METTL15: variants seen among roughly 807,000 people sequenced by gnomAD.
The protein encoded by METTL15 is methyltransferase 15, mitochondrial 12S rRNA N4-cytidine, also known as 12S rRNA N(4)-cytidine methyltransferase METTL15.
A neutral mutation model predicts 38.3 loss-of-function variants in METTL15; 34 were observed. The observed-to-expected ratio is 0.89, with a 90% CI of 0.68 to 1.18. The LOEUF (loss-of-function observed/expected upper bound fraction) is 1.18. Ranked by LOEUF, METTL15 falls within the 50% of genes most tolerant of loss-of-function variation. The pLI, the probability that METTL15 is intolerant of heterozygous loss-of-function variation, is 0.00. For missense variants in METTL15, 438 were observed against 498.4 expected, an observed-to-expected ratio of 0.88 and a Z score of 1.15; for synonymous variants, 162 against 170.9, an observed-to-expected ratio of 0.95 and a Z score of 0.41.
chr11:28,411,084 A>G (rs1850720231), intron 5 of METTL15, among the ~76,000 whole-genome samples: 1 of 152,054 alleles, frequency 6.6e-6, no homozygotes, highest in Admixed American at 6.6e-5. Context: ...ATAAAACACT[A>G]ATGAAAGAAA....
At chr11:28,266,753 TTA>T (rs1472950768) in intron 4 of METTL15, among the ~76,000 whole-genome samples, 1 of 152,188 alleles carries the variant, frequency 6.6e-6, no homozygotes, top group Non-Finnish European at 1.5e-5. Context: ...TCCCAGATAA[TTA>T]TGTCTCCGTA....
chr11:28,294,531 G>T (rs1440854464), intron 5 of METTL15, among the ~76,000 whole-genome samples: 2 of 152,174 alleles, frequency 1.3e-5, no homozygotes, highest in Non-Finnish European at 2.9e-5. Flanking sequence ...AGAAGCAATA[G>T]AAAGAAATTC....
At chr11:28,213,302 TGAAAG>T (rs1197007778) in intron 4 of METTL15, among the ~76,000 whole-genome samples, 1 of 151,766 alleles carries the variant, frequency 6.6e-6, no homozygotes, top group Non-Finnish European at 1.5e-5. Context: ...AGAAAAAAAT[TGAAAG>T]GATAAAGAGA....
chr11:28,241,735 G>T (rs905238280), intron 4 of METTL15, among the ~76,000 whole-genome samples: 1 of 152,146 alleles, frequency 6.6e-6, no homozygotes, highest in Non-Finnish European at 1.5e-5. Flanking sequence ...GGAAAAGCCA[G>T]AGCAAGGTAA....
rs770838315 is a variant in METTL15, at chr11:28,152,038, C to CTAG, written c.270+38436_270+38438dup. Among the ~76,000 whole-genome samples, 4 of 152,114 alleles carry CTAG rather than the reference C, an allele frequency of 2.6e-5. No homozygotes were observed. In the South Asian group the frequency reaches 6.2e-4, roughly 24 times the overall value. Reference sequence around the variant, plus strand: ...CCTGGTTTATTTATACTATATAACACTAGTTAGTGGATCTTGTATTTCTAC... The same window carrying CTAG: ...CCTGGTTTATTTATACTATATAACACTAGTAGTTAGTGGATCTTGTATTTCTAC... On this transcript the variant is annotated intron_variant, in intron 3 of 6. Transcript: ENST00000407364.
intron 6 of METTL15, among the ~76,000 whole-genome samples, chr11:28,502,125 G>C (rs367641590): frequency 6.7e-6 from 1 of 149,256 alleles, no homozygotes; most frequent in Admixed American, 6.7e-5. Flanking sequence ...GAAAAAAAAA[G>C]CTCTTCCACA....
chr11:28,129,768 A>G (rs944219941), intron 3 of METTL15, among the ~76,000 whole-genome samples: 1 of 152,162 alleles, frequency 6.6e-6, no homozygotes, highest in Non-Finnish European at 1.5e-5. Flanking sequence ...AATTCAATAA[A>G]CATGTATTAA....
intron 6 of METTL15, among the ~76,000 whole-genome samples, chr11:28,317,576 C>T (rs766415087): frequency 1.3e-5 from 2 of 152,110 alleles, no homozygotes; most frequent in African/African-American, 4.8e-5. Flanking sequence ...CATTTAAACA[C>T]GTGAATGTAT....
chr11:28,113,436 T>C lies in METTL15; in HGVS notation c.102T>C (p.His34=), dbSNP rs759761077. The change falls in exon 3 of 7, where the codon CAT becomes CAC. Residue 34 remains histidine, a synonymous_variant. Transcript: ENST00000407364. ...TAGGTGTCTGGCCAAACAGAATACA[T>C]ACTACAGCAGAAAAATATAGAGAAT... is the stretch of plus-strand genomic sequence containing the variant. ...PNLGVWPNRI[H]TTAEKYREYE... is the part of the protein sequence containing the mutation. The C allele has an allele frequency of 2.4e-5, 38 of 1,609,146 alleles. No individual in the cohort carries two copies. The highest frequency in any genetic ancestry group is 6.7e-5 in the Admixed American group (4 of 59,890).
chr11:28,238,071 G>A (rs896519266), intron 4 of METTL15, among the ~76,000 whole-genome samples: 2 of 152,224 alleles, frequency 1.3e-5, no homozygotes, highest in African/African-American at 2.4e-5. Context: ...ACCCACTTGA[G>A]GAGGCAGTCT....
In METTL15 at chr11:28,196,714, A is replaced by G. The variant is rs542911238; in HGVS notation, c.271-14348A>G. On this transcript the variant is annotated intron_variant, in intron 3 of 6. Transcript: ENST00000407364. The stretch of plus-strand genomic sequence containing the variant: ...GAGAAGACTGACATAAGAACAAACA[A>G]TTTTACTGTTAAAGTAATTAATTGA... 2.6e-5 allele frequency among the ~76,000 whole-genome samples: 4 copies of G among 152,020 alleles called. No homozygotes were observed. In the East Asian group the frequency reaches 7.7e-4, roughly 29 times the overall value.
At chr11:28,264,312 T>C (rs1047581048) in intron 4 of METTL15, among the ~76,000 whole-genome samples, 3 of 152,180 alleles carry the variant, frequency 2.0e-5, no homozygotes, top group Non-Finnish European at 2.9e-5. Flanking sequence ...ATAATCCTTA[T>C]TGATATTTTA....
At position 28,332,033 on chromosome 11, in the gene METTL15, G is replaced by A. The variant is rs1443214220; in HGVS notation, c.*1192G>A. 1 of 152,058 alleles carries A rather than the reference G, an allele frequency of 6.6e-6. No homozygotes were observed. Among genetic ancestry groups the A allele is most frequent in the African/African-American group, 2.4e-5 (1 of 41,422 alleles). 9.4% of individuals were successfully genotyped at this position (152,058 alleles called of 1,614,324 possible). A position where few individuals can be genotyped will look rare whatever the true frequency, so the allele number is the denominator to read the frequency against. On this transcript the variant is annotated 3_prime_UTR_variant, in exon 7 of 7. Transcript: ENST00000407364. Reference sequence around the variant, plus strand: ...TCTCCATTATAGTTACAAATTTTAGGTTGGTGAATCCAAGTGAATGAAATA... The same window carrying A: ...TCTCCATTATAGTTACAAATTTTAGATTGGTGAATCCAAGTGAATGAAATA...
At position 28,264,478 on chromosome 11, in the gene METTL15, G is replaced by A. The variant is rs1855331979; in HGVS notation, c.408-25728G>A. Among the ~76,000 whole-genome samples the A allele has an allele frequency of 3.3e-5, 5 of 151,990 alleles. No individual in the cohort carries two copies. The South Asian group carries it at 8.3e-4, about 25-fold the overall frequency. On this transcript the variant is annotated intron_variant, in intron 4 of 6. Transcript: ENST00000407364. ...ATATGTTTGTTTGTTTGTTTGTTTTGTAAAGAGCCTCACTACACTGTCTTC... is the reference window on the plus strand; with the variant it reads ...ATATGTTTGTTTGTTTGTTTGTTTTATAAAGAGCCTCACTACACTGTCTTC...
chr11:28,241,403 G>A (rs532667191), intron 4 of METTL15, among the ~76,000 whole-genome samples: 27 of 152,024 alleles, frequency 1.8e-4, no homozygotes, highest in African/African-American at 3.9e-4. Context: ...GCATGGTGGC[G>A]GGCGCCTGTA....
chr11:28,400,343 T>G (rs921847172), intron 5 of METTL15, among the ~76,000 whole-genome samples: 7 of 151,940 alleles, frequency 4.6e-5, no homozygotes. Context: ...TAAGAAAGCA[T>G]GACTGCACTC....
At chr11:28,492,314 A>G (rs754922179) in intron 6 of METTL15, among the ~76,000 whole-genome samples, 6 of 152,120 alleles carry the variant, frequency 3.9e-5, no homozygotes, top group Non-Finnish European at 8.8e-5. Context: ...TTAGACTAGC[A>G]GAGTTGACAG....
intron 3 of METTL15, among the ~76,000 whole-genome samples, chr11:28,207,919 G>A (rs982278915): frequency 2.6e-5 from 4 of 152,122 alleles, no homozygotes; most frequent in African/African-American, 4.8e-5. Flanking sequence ...AATATTCTCT[G>A]ATGGTAGTTT....
intron 4 of METTL15, among the ~76,000 whole-genome samples, chr11:28,270,524 A>T (rs1189539488): frequency 1.3e-5 from 2 of 152,186 alleles, no homozygotes; most frequent in Non-Finnish European, 2.9e-5. Context: ...GGTGATCAAG[A>T]ATAGAGACAT....
Sources: allele counts gnomAD v4.1 joint callset (sites outside exome capture counted in the v4.1 genomes callset), GRCh38; gene constraint gnomAD v4.1.1; transcripts MANE v1.5; gene names NCBI Gene and HGNC (gene_info 2026-07-23, HGNC 2026-07-21).